The following PIEZO2 variants were observed in gnomAD, a reference collection of about 807,000 sequenced individuals.
PIEZO2 encodes piezo-type mechanosensitive ion channel component 2.
Under a neutral mutation model 337.3 loss-of-function variants are expected in PIEZO2, and 172 were observed. That is an observed-to-expected ratio of 0.51 (90% confidence interval 0.45 to 0.58). The LOEUF is 0.58. PIEZO2 is among the 20% of genes least tolerant of loss of function. The probability of loss-of-function intolerance (pLI) is 0.00; values close to 1 mark genes in which losing one functional copy is unlikely to be tolerated. For synonymous variants in PIEZO2, 1,251 were observed against 1,228.5 expected (o/e 1.02, Z -0.38); for missense variants, 3,028 against 3,391.3 (o/e 0.89, Z 2.66).
chr18:11,062,812 G>T (rs1167190366), intron 2 of PIEZO2, among the ~76,000 whole-genome samples: 3 of 152,244 alleles, frequency 2.0e-5, no homozygotes, highest in African/African-American at 4.8e-5. Flanking sequence ...ACTGTTGGTG[G>T]GACTGTAAAC....
At chr18:11,108,586 C>T (rs58908891) in intron 1 of PIEZO2, among the ~76,000 whole-genome samples, 11,776 of 134,634 alleles carry the variant, frequency 0.087, 689 homozygotes, top group African/African-American at 0.16. Flanking sequence ...TGCACTCCAG[C>T]CTGGGCAACA....
intron 52 of PIEZO2, among the ~76,000 whole-genome samples, chr18:10,679,567 C>T (rs2034171649): frequency 6.6e-6 from 1 of 152,132 alleles, no homozygotes; most frequent in South Asian, 2.1e-4. Context: ...TTTCAAATCA[C>T]TTGATGCTCT....
intron 5 of PIEZO2, among the ~76,000 whole-genome samples, chr18:10,866,115 C>T (rs913982149): frequency 1.4e-4 from 21 of 151,836 alleles, no homozygotes; most frequent in Non-Finnish European, 2.2e-4. Context: ...ATTAAATGGG[C>T]GAAATAAAAA....
At chr18:10,918,731 C>A (rs190863914) in intron 3 of PIEZO2, among the ~76,000 whole-genome samples, 3 of 152,122 alleles carry the variant, frequency 2.0e-5, no homozygotes, top group East Asian at 3.8e-4. Context: ...CACTCTATTT[C>A]GAATCCTGCT....
rs1390880539 is a variant in PIEZO2, at chr18:10,886,345, C to CATATACATATATATATATATATAT, written c.330-14931_330-14930insATATATATATATATATATGTATAT. 7.4e-4 allele frequency among the ~76,000 whole-genome samples: 6 copies of CATATACATATATATATATATATAT among 8,132 alleles called. 1 individual carries two copies. The highest frequency in any genetic ancestry group is 0.015 in the South Asian group (1 of 66). The allele number at this position is 8,132 out of a possible 152,430, so 5.3% of individuals were successfully genotyped here. A position where few individuals can be genotyped will look rare whatever the true frequency, so the allele number is the denominator to read the frequency against. ...ATACATATATATATATATATATATA[C>CATATACATATATATATATATATAT]ACACACACACACACACATATATATG... is the stretch of plus-strand genomic sequence containing the variant. On this transcript the variant is annotated intron_variant, in intron 4 of 55. Transcript: ENST00000674853.
chr18:10,793,098 A>G (rs2144191483), intron 13 of PIEZO2, among the ~76,000 whole-genome samples: 1 of 152,194 alleles, frequency 6.6e-6, no homozygotes, highest in South Asian at 2.1e-4. Flanking sequence ...TGCTAAAAAA[A>G]ATACAAAAAA....
At chr18:10,959,537 TA>T (rs1222719406) in intron 3 of PIEZO2, among the ~76,000 whole-genome samples, 1 of 152,166 alleles carries the variant, frequency 6.6e-6, no homozygotes, top group Non-Finnish European at 1.5e-5. Context: ...AATCAATTTT[TA>T]AAATTGATTG....
intron 4 of PIEZO2, among the ~76,000 whole-genome samples, chr18:10,876,420 A>G (rs1383344747): frequency 1.3e-5 from 2 of 152,238 alleles, no homozygotes; most frequent in Admixed American, 6.5e-5. Flanking sequence ...GCTGGGCTAC[A>G]GAATCTTCCT....
rs376926689 is a variant in PIEZO2, at chr18:10,907,471, C to T, written c.329+3715G>A. On this transcript the variant is annotated intron_variant, in intron 4 of 55. Coordinates refer to ENST00000674853, the MANE Select transcript of PIEZO2 (RefSeq NM_001378183.1). Reference sequence around the variant, plus strand: ...AAAAAAAAAAAAGATGTATTTGTTTCAAGCATCATGTTGAGATGAAAGCAC... The same window carrying T: ...AAAAAAAAAAAAGATGTATTTGTTTTAAGCATCATGTTGAGATGAAAGCAC... 9.2e-5 allele frequency among the ~76,000 whole-genome samples: 14 copies of T among 151,898 alleles called. No homozygotes were observed. The South Asian group carries it at 2.9e-3, about 32-fold the overall frequency.
Position 10,731,177 on chromosome 18 carries a change from T to TA in PIEZO2, c.5029+229_5029+230insT, listed in dbSNP as rs1555633703. Among the ~76,000 whole-genome samples the TA allele has an allele frequency of 0.14, 4,686 of 34,576 alleles. 370 individuals carry two copies. Among genetic ancestry groups the TA allele is most frequent in the African/African-American group, 0.2 (1,465 of 7,478 alleles). 22.7% of individuals were successfully genotyped at this position (34,576 alleles called of 152,430 possible). ...CTCTCCTTTTTTCCTACTTAAAAGA[T>TA]TATATATATATATATATATATATAT... is the stretch of plus-strand genomic sequence containing the variant. On this transcript the variant is annotated intron_variant, in intron 36 of 55. Coordinates refer to ENST00000674853, the MANE Select transcript of PIEZO2 (RefSeq NM_001378183.1).
chr18:11,120,004 T>C (rs1185358712), intron 1 of PIEZO2, among the ~76,000 whole-genome samples: 1 of 152,190 alleles, frequency 6.6e-6, no homozygotes, highest in Non-Finnish European at 1.5e-5. Flanking sequence ...GGAATAGTCA[T>C]AAGATAATCA....
intron 17 of PIEZO2, among the ~76,000 whole-genome samples, chr18:10,782,433 TTA>T (rs57479297): frequency 0.11 from 6,740 of 59,884 alleles, 252 homozygotes; most frequent in Non-Finnish European, 0.17. Context: ...ATATAAATAA[TTA>T]TATAATATAT....
At position 10,705,502 on chromosome 18, in the gene PIEZO2, T is replaced by A; in HGVS notation, c.5833A>T (p.Ser1945Cys). ...DGDVEAPPSY[S>C]KAVSFEHLSF... ...AGATGCTCGAAGCTCACAGCCTTGC[T>A]GTAGGAGGGTGGGGCCTCCACATCC... The change falls in exon 41 of 56, where the codon AGC (serine) becomes TGC (cysteine). Residue 1945 changes from serine (S) to cysteine (C), a missense_variant. Transcript: ENST00000674853. The A allele has an allele frequency of 6.5e-7, 1 of 1,537,252 alleles. No individual in the cohort carries two copies. The highest frequency in any genetic ancestry group is 8.7e-7 in the Non-Finnish European group (1 of 1,146,904).
intron 1 of PIEZO2, 123 bp from the exon 2 acceptor site, chr18:11,066,345 T>A: frequency 1.5e-6 from 1 of 656,844 alleles, no homozygotes; most frequent in East Asian, 2.7e-5. Context: ...ACTTCCTGAA[T>A]AGATATGTCA....
chr18:10,972,206 A>G (rs2034271974), intron 3 of PIEZO2, among the ~76,000 whole-genome samples: 1 of 150,684 alleles, frequency 6.6e-6, no homozygotes, highest in Admixed American at 6.6e-5. Flanking sequence ...GAGAGAGATA[A>G]TAGCAGCAGA....
At chr18:10,844,993 C>A (rs1277133029) in intron 7 of PIEZO2, among the ~76,000 whole-genome samples, 1 of 151,990 alleles carries the variant, frequency 6.6e-6, no homozygotes, top group Non-Finnish European at 1.5e-5. Context: ...ATGGGACAAA[C>A]TATATTTACA....
intron 2 of PIEZO2, among the ~76,000 whole-genome samples, chr18:11,037,971 G>C (rs907896392): frequency 2.0e-5 from 3 of 152,284 alleles, no homozygotes; most frequent in Non-Finnish European, 4.4e-5. Flanking sequence ...AAGACTCTGA[G>C]TAAGAACCTG....
Position 11,148,477 on chromosome 18 carries a change from G to GC in PIEZO2, c.64+47dup, listed in dbSNP as rs1189141251. The GC allele has an allele frequency of 4.6e-6, 7 of 1,525,530 alleles. No homozygotes were observed. The highest frequency in any genetic ancestry group is 6.2e-6 in the Non-Finnish European group (7 of 1,136,638). The allele number at this position is 1,525,530 out of a possible 1,614,324, so 94.5% of individuals were successfully genotyped here. Reference sequence around the variant, plus strand: ...TTGTTAAGAAGTCCCCCACCCAGGCGCCCCCCTCGTCCTCCTCAAGTGCCC... The same window carrying GC: ...TTGTTAAGAAGTCCCCCACCCAGGCGCCCCCCCTCGTCCTCCTCAAGTGCCC... On this transcript the variant is annotated intron_variant, in intron 1 of 55. Transcript: ENST00000674853. This position sits in a 1 kb window ranked among gnomAD's most constrained non-coding sequence, Gnocchi z 5.2.
At position 10,760,896 on chromosome 18, in the gene PIEZO2, A is replaced by G; in HGVS notation, c.3450+15T>C. 1 of 1,509,496 alleles carries G rather than the reference A, an allele frequency of 6.6e-7. No homozygotes were observed. Among genetic ancestry groups the G allele is most frequent in the Non-Finnish European group, 8.9e-7 (1 of 1,124,652 alleles). The allele number at this position is 1,509,496 out of a possible 1,614,324, so 93.5% of individuals were successfully genotyped here. A position where few individuals can be genotyped will look rare whatever the true frequency, so the allele number is the denominator to read the frequency against. On this transcript the variant is annotated intron_variant, in intron 24 of 55. Coordinates refer to ENST00000674853, the MANE Select transcript of PIEZO2 (RefSeq NM_001378183.1). ...ATGGAAAAGAGAAATAAAACATATC[A>G]GCAAGGAAACTCACCTCCAGACCAA...
Sources: gnomAD v4.1 joint callset for allele counts (sites outside exome capture counted in the v4.1 genomes callset) on GRCh38, gnomAD v4.1.1 for gene constraint, Gnocchi (gnomAD v3.1) non-coding constraint, MANE v1.5 for transcripts, NCBI Gene and HGNC (gene_info 2026-07-23, HGNC 2026-07-21) for gene names.